Variants in GSK3B observed in about 807,000 individuals in gnomAD.
GSK3B encodes the protein glycogen synthase kinase 3 beta.
GSK3B carries 15 observed loss-of-function variants against 56.4 expected under a neutral mutation model. The observed-to-expected ratio is 0.27, with a 90% confidence interval of 0.18 to 0.41. GSK3B has a LOEUF of 0.41. Ranked by LOEUF, GSK3B falls within the 10% of genes least tolerant of loss-of-function variation. The pLI is 1.00. For synonymous variants in GSK3B, 181 were observed against 188.9 expected (o/e 0.96, Z 0.34); for missense variants, 300 against 513.4 (o/e 0.58, Z 4.02).
chr3:120,048,849 A>G (rs2058124786), intron 1 of GSK3B, among the ~76,000 whole-genome samples: 1 of 152,220 alleles, frequency 6.6e-6, no homozygotes, highest in Admixed American at 6.5e-5. Context: ...TAATACATCA[A>G]CTTAGCACAT....
At chr3:120,026,435 C>G (rs1013741258) in intron 1 of GSK3B, among the ~76,000 whole-genome samples, 2 of 150,612 alleles carry the variant, frequency 1.3e-5, no homozygotes, top group Non-Finnish European at 3.0e-5. Context: ...GATTTATTAC[C>G]GCAAGGGGGT....
intron 1 of GSK3B, among the ~76,000 whole-genome samples, chr3:120,075,124 G>A (rs999758904): frequency 6.6e-6 from 1 of 152,244 alleles, no homozygotes; most frequent in African/African-American, 2.4e-5. Flanking sequence ...TTAAGAGACT[G>A]AAAGAAAAAT....
intron 6 of GSK3B, among the ~76,000 whole-genome samples, chr3:119,910,666 T>C (rs2056726529): frequency 1.3e-5 from 2 of 152,210 alleles, no homozygotes; most frequent in African/African-American, 4.8e-5. Flanking sequence ...CTTCCCTTCA[T>C]GAAAGATTTT....
intron 1 of GSK3B, among the ~76,000 whole-genome samples, chr3:120,042,793 G>C (rs528927031): frequency 2.9e-4 from 44 of 152,282 alleles, no homozygotes; most frequent in Admixed American, 9.8e-4. Flanking sequence ...ATTAAGGAAG[G>C]TTAAAAAGAC....
intron 1 of GSK3B, among the ~76,000 whole-genome samples, chr3:120,087,429 G>A (rs924004539): frequency 9.2e-5 from 14 of 152,194 alleles, no homozygotes; most frequent in African/African-American, 3.1e-4. Flanking sequence ...CTACTTGGGA[G>A]GCTGAGGCAG....
rs1330917886 is a variant in GSK3B at position 119,941,268 on chromosome 3, C to T, written c.366+6000G>A. On this transcript the variant is annotated intron_variant, in intron 3 of 10. Coordinates refer to ENST00000264235, the MANE Select transcript of GSK3B (RefSeq NM_001146156.2). ...CTGACCCCAGGAGATTCACCCGCCTCGGCCTCTCAAAAGTGCTGGGATTAC... is the reference window on the plus strand; with the variant it reads ...CTGACCCCAGGAGATTCACCCGCCTTGGCCTCTCAAAAGTGCTGGGATTAC... Among the ~76,000 whole-genome samples the T allele has an allele frequency of 3.3e-5, 5 of 152,122 alleles. No individual in the cohort carries two copies. In the East Asian group the frequency reaches 5.8e-4, roughly 18 times the overall value.
chr3:120,079,606 G>C (rs2058400272), intron 1 of GSK3B, among the ~76,000 whole-genome samples: 2 of 151,660 alleles, frequency 1.3e-5, no homozygotes, highest in South Asian at 4.2e-4. Flanking sequence ...TGCTGCTCAG[G>C]CTGGTCTCCA....
At chr3:119,972,344 C>T (rs572736473) in intron 2 of GSK3B, among the ~76,000 whole-genome samples, 67 of 151,958 alleles carry the variant, frequency 4.4e-4, no homozygotes, top group Non-Finnish European at 8.1e-4. Context: ...TTCCTATCCA[C>T]AGAAAAAGAT....
Position 120,062,564 on chromosome 3 carries a change from G to C in GSK3B, c.88+30783C>G, listed in dbSNP as rs148863125. Among the ~76,000 whole-genome samples the C allele has an allele frequency of 4.3e-3, 649 of 152,250 alleles. 1 individual carries two copies. The highest frequency in any genetic ancestry group is 0.015 in the African/African-American group (613 of 41,546). On this transcript the variant is annotated intron_variant, in intron 1 of 10. Coordinates refer to ENST00000264235, the MANE Select transcript of GSK3B (RefSeq NM_001146156.2). Reference sequence around the variant, plus strand: ...CATGAAAACCTATCTATGATATACTGACAAGTGAAAAAAGAACTCAGAACA... The same window carrying C: ...CATGAAAACCTATCTATGATATACTCACAAGTGAAAAAAGAACTCAGAACA...
At chr3:119,890,694 C>T (rs560508774) in intron 7 of GSK3B, among the ~76,000 whole-genome samples, 34 of 149,972 alleles carry the variant, frequency 2.3e-4, no homozygotes, top group African/African-American at 8.3e-4. Context: ...TTTAAAATGC[C>T]TATATTTTAT....
intron 2 of GSK3B, among the ~76,000 whole-genome samples, chr3:119,952,701 G>A (rs562206718): frequency 7.4e-5 from 11 of 149,294 alleles, no homozygotes; most frequent in Non-Finnish European, 1.3e-4. Context: ...AGGAAAAAAC[G>A]GAAGCTAGAA....
intron 7 of GSK3B, among the ~76,000 whole-genome samples, chr3:119,890,366 G>A (rs1175686668): frequency 6.6e-6 from 1 of 151,904 alleles, no homozygotes; most frequent in Admixed American, 6.6e-5. Context: ...ATGGTACTGA[G>A]CAAAAAAAGC....
intron 1 of GSK3B, among the ~76,000 whole-genome samples, chr3:120,081,333 G>C (rs2058418111): frequency 6.6e-6 from 1 of 151,416 alleles, no homozygotes; most frequent in African/African-American, 2.4e-5. Flanking sequence ...CGGATCACAA[G>C]ATCAGGAGAT....
At chr3:119,932,587 A>G (rs1450171069) in intron 3 of GSK3B, among the ~76,000 whole-genome samples, 1 of 151,964 alleles carries the variant, frequency 6.6e-6, no homozygotes, top group East Asian at 1.9e-4. Flanking sequence ...CAAAAGAGCT[A>G]AGCCATGGAG....
At chr3:119,928,612 T>TAAAAA (rs1160252679) in intron 3 of GSK3B, among the ~76,000 whole-genome samples, 10 of 67,052 alleles carry the variant, frequency 1.5e-4, no homozygotes, top group African/African-American at 2.4e-4. Flanking sequence ...ATCAAAAAAA[T>TAAAAA]AAAAAAAAAA....
chr3:119,830,756 T>C (rs1312744419), intron 10 of GSK3B, among the ~76,000 whole-genome samples: 1 of 152,228 alleles, frequency 6.6e-6, no homozygotes, highest in Admixed American at 6.5e-5. Context: ...TGAAGCCTAC[T>C]TGTACAACTT....
chr3:119,973,173 A>G (rs892121275), intron 2 of GSK3B, among the ~76,000 whole-genome samples: 7 of 152,166 alleles, frequency 4.6e-5, no homozygotes, highest in African/African-American at 1.7e-4. Flanking sequence ...TACTACTACT[A>G]CTACATTAGT....
intron 1 of GSK3B, among the ~76,000 whole-genome samples, chr3:120,021,408 C>G (rs980324567): frequency 2.6e-5 from 4 of 151,096 alleles, no homozygotes; most frequent in Admixed American, 1.3e-4. Context: ...CCCAGCTACT[C>G]GGGAGGCTGA....
chr3:120,049,835 G>A (rs906485635), intron 1 of GSK3B, among the ~76,000 whole-genome samples: 3 of 151,986 alleles, frequency 2.0e-5, no homozygotes, highest in Non-Finnish European at 2.9e-5. Flanking sequence ...ATACAGTCTC[G>A]GTCACAACTA....
Sources: allele counts gnomAD v4.1 joint callset (sites outside exome capture counted in the v4.1 genomes callset), GRCh38; gene constraint gnomAD v4.1.1; transcripts MANE v1.5; gene names NCBI Gene and HGNC (gene_info 2026-07-23, HGNC 2026-07-21).